Variants in CIMIP5 observed in about 807,000 individuals in gnomAD.
CIMIP5 encodes ciliary microtubule inner protein 5.
chr2:11,133,741 GC>G, the CIMIP5 span: 1 of 1,317,306 alleles, frequency 7.6e-7, no homozygotes. Context: ...CACCAGCCCA[GC>G]CCAGAGCCAG....
chr2:11,145,509 G>A, the CIMIP5 span: 1 of 152,224 alleles, frequency 6.6e-6, no homozygotes, highest in Non-Finnish European at 1.5e-5. Context: ...GTTCCTCTTT[G>A]TTGGTTAAAA....
chr2:11,143,671 C>G, the CIMIP5 span, among the ~76,000 whole-genome samples: 3 of 151,812 alleles, frequency 2.0e-5, no homozygotes, highest in African/African-American at 7.3e-5. Context: ...TTGATCTCTG[C>G]AGGTCGCAGC....
At chr2:11,147,491 T>C in the CIMIP5 span, among the ~76,000 whole-genome samples, 11 of 152,174 alleles carry the variant, frequency 7.2e-5, no homozygotes, top group African/African-American at 2.7e-4. Flanking sequence ...CCTTCCTTGC[T>C]CACAGGTCTG....
chr2:11,151,052 T>C, the CIMIP5 span, among the ~76,000 whole-genome samples: 2 of 152,120 alleles, frequency 1.3e-5, no homozygotes, highest in Admixed American at 6.5e-5. Flanking sequence ...AAAATGAAGA[T>C]TCACTGAGCC....
the CIMIP5 span, among the ~76,000 whole-genome samples, chr2:11,150,485 A>T: frequency 6.6e-6 from 1 of 151,612 alleles, no homozygotes; most frequent in Non-Finnish European, 1.5e-5. Flanking sequence ...TGCACCTGCC[A>T]CCATGCCCGG....
the CIMIP5 span, chr2:11,133,451 C>A: frequency 1.2e-6 from 2 of 1,610,200 alleles, no homozygotes; most frequent in Non-Finnish European, 1.7e-6. Context: ...CTATGGCCAG[C>A]AGGGGTCTTG....
At chr2:11,150,299 G>GC in the CIMIP5 span, among the ~76,000 whole-genome samples, 2 of 151,132 alleles carry the variant, frequency 1.3e-5, no homozygotes, top group South Asian at 4.2e-4. Context: ...TAACAAACTT[G>GC]CAAGTGGCTT....
chr2:11,148,602 G>A, the CIMIP5 span, among the ~76,000 whole-genome samples: 16 of 149,718 alleles, frequency 1.1e-4, no homozygotes, highest in African/African-American at 3.6e-4. Context: ...AGGCCACCCT[G>A]ACCACGCCCA....
chr2:11,140,284 A>G, the CIMIP5 span, among the ~76,000 whole-genome samples: 8 of 147,154 alleles, frequency 5.4e-5, no homozygotes, highest in South Asian at 2.2e-4. Context: ...CTGAGGCAGG[A>G]GAATGGCGTG....
chr2:11,153,694 C>G, the CIMIP5 span, among the ~76,000 whole-genome samples: 1 of 152,160 alleles, frequency 6.6e-6, no homozygotes, highest in African/African-American at 2.4e-5. Flanking sequence ...TGCCTGTAAT[C>G]CCAGCACTTT....
the CIMIP5 span, among the ~76,000 whole-genome samples, chr2:11,135,156 C>A: frequency 1.8e-4 from 27 of 152,188 alleles, no homozygotes; most frequent in African/African-American, 6.0e-4. Context: ...CTAGGCCCTA[C>A]CTTCAACACT....
the CIMIP5 span, among the ~76,000 whole-genome samples, chr2:11,141,121 CTTTTTTT>C: frequency 6.6e-5 from 4 of 60,428 alleles, no homozygotes; most frequent in African/African-American, 3.0e-4. Flanking sequence ...CCACAACACA[CTTTTTTT>C]TTTTTTTTTT....
the CIMIP5 span, among the ~76,000 whole-genome samples, chr2:11,140,248 G>A: frequency 1.3e-5 from 2 of 151,084 alleles, no homozygotes; most frequent in African/African-American, 2.4e-5. Flanking sequence ...GGTGGCGGGT[G>A]CCTGTAGTCC....
the CIMIP5 span, among the ~76,000 whole-genome samples, chr2:11,133,992 CTG>C: frequency 4.6e-5 from 7 of 152,258 alleles, no homozygotes; most frequent in African/African-American, 1.4e-4. Context: ...CGAGACCAGA[CTG>C]CAACAAGGGA....
chr2:11,138,012 A>C, the CIMIP5 span, among the ~76,000 whole-genome samples: 1 of 152,140 alleles, frequency 6.6e-6, no homozygotes, highest in South Asian at 2.1e-4. Flanking sequence ...CGCCCGGCTA[A>C]TTTTTGTATT....
chr2:11,143,437 G>A, the CIMIP5 span, among the ~76,000 whole-genome samples: 1 of 152,048 alleles, frequency 6.6e-6, no homozygotes, highest in African/African-American at 2.4e-5. Flanking sequence ...GAAAGGAGGT[G>A]GGGGAGGGGA....
chr2:11,133,520 C>T, the CIMIP5 span: 3 of 1,608,408 alleles, frequency 1.9e-6, no homozygotes, highest in South Asian at 1.1e-5. Context: ...AGGGAGCTGC[C>T]TGCGATGGCG....
the CIMIP5 span, among the ~76,000 whole-genome samples, chr2:11,136,861 T>C: frequency 6.6e-6 from 1 of 152,168 alleles, no homozygotes; most frequent in Non-Finnish European, 1.5e-5. Flanking sequence ...GAGGCGAGGA[T>C]GCAGGACAGA....
chr2:11,154,441 C>G, the CIMIP5 span, among the ~76,000 whole-genome samples: 1 of 152,190 alleles, frequency 6.6e-6, no homozygotes, highest in Non-Finnish European at 1.5e-5. Flanking sequence ...TGACCCAGCT[C>G]CCGTCCCTCA....
Sources: allele counts gnomAD v4.1 joint callset (sites outside exome capture counted in the v4.1 genomes callset), GRCh38; gene constraint gnomAD v4.1.1; transcripts MANE v1.5; gene names NCBI Gene and HGNC (gene_info 2026-07-23, HGNC 2026-07-21).